The following MTMR2 variants were observed in gnomAD, a reference collection of about 807,000 sequenced individuals.
MTMR2 encodes the protein myotubularin related protein 2.
In MTMR2, 55 loss-of-function variants were observed where a neutral mutation model predicts 86.9. The ratio of observed to expected loss-of-function variants is 0.63; its 90% confidence interval spans 0.51 to 0.79. The LOEUF (loss-of-function observed/expected upper bound fraction) is 0.79. Among genes scored for constraint, MTMR2 ranks in the 30% least tolerant of loss-of-function variants. The pLI is 0.00. For synonymous variants in MTMR2, 241 were observed against 266.8 expected (o/e 0.90, Z 0.94); for missense variants, 659 against 772.3 (o/e 0.85, Z 1.74).
chr11:95,921,892 A>C (rs1866941658), intron 1 of MTMR2, among the ~76,000 whole-genome samples: 1 of 152,182 alleles, frequency 6.6e-6, no homozygotes, highest in African/African-American at 2.4e-5. Context: ...AAGTTCATAT[A>C]CATATATAAT....
At chr11:95,863,970 G>A (rs753386471) in intron 3 of MTMR2, among the ~76,000 whole-genome samples, 16 of 152,130 alleles carry the variant, frequency 1.1e-4, no homozygotes, top group Non-Finnish European at 2.1e-4. Flanking sequence ...GAAAAAAAGA[G>A]CAGTCTAGTA....
intron 2 of MTMR2, among the ~76,000 whole-genome samples, chr11:95,886,631 A>G (rs559291789): frequency 1.2e-4 from 19 of 152,326 alleles, no homozygotes; most frequent in African/African-American, 4.6e-4. Context: ...TGTCTCAGAC[A>G]GGAAACAGCA....
At chr11:95,842,247 A>G (rs1165994218) in intron 11 of MTMR2, among the ~76,000 whole-genome samples, 1 of 152,220 alleles carries the variant, frequency 6.6e-6, no homozygotes, top group African/African-American at 2.4e-5. Context: ...TCTGTTTAAT[A>G]AACTCAGATC....
chr11:95,919,340 G>A (rs1401706784), intron 1 of MTMR2, among the ~76,000 whole-genome samples: 1 of 152,032 alleles, frequency 6.6e-6, no homozygotes. Context: ...AATGCAATTA[G>A]TTGAGAACTA....
At chr11:95,908,866 A>G (rs903952392) in intron 1 of MTMR2, among the ~76,000 whole-genome samples, 2 of 152,178 alleles carry the variant, frequency 1.3e-5, no homozygotes, top group African/African-American at 2.4e-5. Context: ...AAAACTTATC[A>G]GAGTATAGCC....
chr11:95,862,400 A>G (rs886553104), intron 3 of MTMR2, 34 bp from the exon 4 acceptor site: 5 of 1,456,590 alleles, frequency 3.4e-6, no homozygotes, highest in African/African-American at 1.4e-5. Context: ...TTTACTATAC[A>G]TTATGTGCTA....
At chr11:95,870,125 A>T (rs1864798275) in intron 2 of MTMR2, among the ~76,000 whole-genome samples, 1 of 152,208 alleles carries the variant, frequency 6.6e-6, no homozygotes, top group African/African-American at 2.4e-5. Context: ...TCTGCAATTT[A>T]CTTTGAAATG....
chr11:95,907,808 C>A, intron 1 of MTMR2: 1 of 380,142 alleles, frequency 2.6e-6, no homozygotes, highest in Non-Finnish European at 5.1e-6. Context: ...TGATAAAATT[C>A]AATAACGCTT....
chr11:95,901,812 G>A (rs1866084794), intron 1 of MTMR2, among the ~76,000 whole-genome samples: 1 of 152,164 alleles, frequency 6.6e-6, no homozygotes, highest in South Asian at 2.1e-4. Flanking sequence ...CCTTGGAGCA[G>A]ATAAAGCTTA....
intron 1 of MTMR2, among the ~76,000 whole-genome samples, chr11:95,919,049 C>G (rs1249773372): frequency 6.6e-6 from 1 of 152,110 alleles, no homozygotes; most frequent in African/African-American, 2.4e-5. Context: ...GTGACCCTGG[C>G]TGGTCTGGAA....
At chr11:95,851,353 AT>A (rs1489131999) in intron 7 of MTMR2, among the ~76,000 whole-genome samples, 1 of 150,586 alleles carries the variant, frequency 6.6e-6, no homozygotes, top group Admixed American at 6.6e-5. Flanking sequence ...AAATGTTCCT[AT>A]TCTTTATTTA....
At chr11:95,922,861 TTA>T (rs1866979476) in intron 1 of MTMR2, among the ~76,000 whole-genome samples, 2 of 151,986 alleles carry the variant, frequency 1.3e-5, no homozygotes, top group African/African-American at 2.4e-5. Flanking sequence ...CCAAAATGAA[TTA>T]TAATAGAGCC....
chr11:95,888,204 T>G lies in MTMR2; in HGVS notation c.138A>C (p.Ser46=), dbSNP rs1168609312. The G allele has an allele frequency of 1.2e-6, 2 of 1,613,532 alleles. No homozygotes were observed. The highest frequency in any genetic ancestry group is 3.3e-5 in the Admixed American group (2 of 59,994). Residue 46 remains serine, a synonymous_variant, in exon 2 of 15, where the codon TCA becomes TCC. Transcript: ENST00000346299. Reference sequence around the variant, plus strand: ...CGGCAGAAGTTGAAATGGAATCTGATGATACAACAGAAGCTGATTTTGTAT... The same window carrying G: ...CGGCAGAAGTTGAAATGGAATCTGAGGATACAACAGAAGCTGATTTTGTAT... ...SVHTKSASVV[S]SDSISTSADN...
Position 95,872,571 on chromosome 11 carries a change from T to G in MTMR2, c.187-6895A>C, listed in dbSNP as rs1442329486. Among the ~76,000 whole-genome samples, 4 of 152,338 alleles carry G rather than the reference T, an allele frequency of 2.6e-5. No homozygotes were observed. The South Asian group carries it at 8.3e-4, about 32-fold the overall frequency. ...ATGTCATCTGCAAACAGGGACAATT[T>G]GACTTCCTCTTTTCCTAATTGAATA... On this transcript the variant is annotated intron_variant, in intron 2 of 14. Coordinates refer to ENST00000346299, the MANE Select transcript of MTMR2 (RefSeq NM_016156.6).
chr11:95,835,885 C>A (rs928477380), intron 14 of MTMR2, among the ~76,000 whole-genome samples: 1 of 151,838 alleles, frequency 6.6e-6, no homozygotes, highest in African/African-American at 2.4e-5. Context: ...AAAACAAGAC[C>A]CCCTAGAGGT....
In MTMR2 at chr11:95,834,327, C is replaced by CGTT; in HGVS notation, c.*960_*962dup. ...CAGTGTGTTCTTTGGTAGACTTAAT[C>CGTT]GTTGAGTGAAATTACAGAATTTGCA... On this transcript the variant is annotated 3_prime_UTR_variant, in exon 15 of 15. Transcript: ENST00000346299. 6.6e-6 allele frequency: 1 copy of CGTT among 152,358 alleles called. No homozygotes were observed. The allele number at this position is 152,358 out of a possible 1,614,324, so 9.4% of individuals were successfully genotyped here.
intron 1 of MTMR2, among the ~76,000 whole-genome samples, chr11:95,890,081 C>G (rs1276021288): frequency 6.6e-6 from 1 of 152,046 alleles, no homozygotes; most frequent in Non-Finnish European, 1.5e-5. Context: ...AAAATCACCT[C>G]CCCAAAAAAG....
chr11:95,872,848 C>CTTT (rs1473498183), intron 2 of MTMR2, among the ~76,000 whole-genome samples: 10 of 152,114 alleles, frequency 6.6e-5, no homozygotes, highest in African/African-American at 2.4e-4. Context: ...TGTCAAAGGC[C>CTTT]TTTTCTGCAT....
At chr11:95,875,633 T>C (rs1443079143) in intron 2 of MTMR2, among the ~76,000 whole-genome samples, 1 of 152,174 alleles carries the variant, frequency 6.6e-6, no homozygotes, top group East Asian at 1.9e-4. Flanking sequence ...CGTTCCGTTG[T>C]TGGTGAGGAG....
Sources: gnomAD v4.1 joint callset for allele counts (sites outside exome capture counted in the v4.1 genomes callset) on GRCh38, gnomAD v4.1.1 for gene constraint, MANE v1.5 for transcripts, NCBI Gene and HGNC (gene_info 2026-07-23, HGNC 2026-07-21) for gene names.